Variants in CSMD1 observed in about 807,000 individuals in gnomAD.
The protein encoded by CSMD1 is CUB and sushi domain-containing protein 1.
Under a neutral mutation model 417.5 loss-of-function variants are expected in CSMD1, and 213 were observed. The ratio of observed to expected loss-of-function variants is 0.51; its 90% CI spans 0.46 to 0.57. CSMD1 has a LOEUF of 0.57. CSMD1 is among the 20% of genes least tolerant of loss of function. CSMD1 has a pLI of 0.00. For missense variants in CSMD1, 6,923 were observed against 4,529.7 expected, an observed-to-expected ratio of 1.53 and a Z score of -15.17; for synonymous variants, 2,862 against 1,736.8, an observed-to-expected ratio of 1.65 and a Z score of -16.11.
intron 5 of CSMD1, among the ~76,000 whole-genome samples, chr8:3,839,001 A>G (rs1380471330): frequency 1.6e-5 from 2 of 122,932 alleles, no homozygotes; most frequent in East Asian, 8.2e-4. Flanking sequence ...TATAATTATA[A>G]TATTATATAT....
intron 3 of CSMD1, among the ~76,000 whole-genome samples, chr8:4,343,168 A>C (rs1451636949): frequency 1.3e-5 from 2 of 152,142 alleles, no homozygotes; most frequent in Non-Finnish European, 2.9e-5. Context: ...GTATTTGGTA[A>C]AATACAAGGA....
At position 4,330,794 on chromosome 8, in the gene CSMD1, T is replaced by C. The variant is rs543813411; in HGVS notation, c.415+89159A>G. 6.6e-5 allele frequency among the ~76,000 whole-genome samples: 10 copies of C among 152,128 alleles called. No homozygotes were observed. The East Asian group carries it at 9.7e-4, about 15-fold the overall frequency. On this transcript the variant is annotated intron_variant, in intron 3 of 69. Transcript: ENST00000635120. ...TCCCTACTTATCATTTCTTTCCCTA[T>C]CTATCTTCTGAAGCACTGTTCATTC...
intron 10 of CSMD1, among the ~76,000 whole-genome samples, chr8:3,542,731 G>T (rs755382107): frequency 6.6e-6 from 1 of 152,200 alleles, no homozygotes; most frequent in Non-Finnish European, 1.5e-5. Flanking sequence ...GCTGTAGGTT[G>T]AGGTAAGAAG....
intron 3 of CSMD1, among the ~76,000 whole-genome samples, chr8:4,047,985 C>T (rs527686007): frequency 8.5e-4 from 129 of 152,250 alleles, no homozygotes; most frequent in Non-Finnish European, 1.7e-3. Flanking sequence ...TCTTTTCATC[C>T]TGAGAGCTTT....
chr8:3,744,228 G>C (rs960304769), intron 6 of CSMD1, among the ~76,000 whole-genome samples: 3 of 152,162 alleles, frequency 2.0e-5, no homozygotes, highest in Admixed American at 6.6e-5. Flanking sequence ...AGCCGCAGCA[G>C]GTGTGTGCAA....
chr8:4,231,516 G>A (rs1485631642), intron 3 of CSMD1, among the ~76,000 whole-genome samples: 1 of 35,010 alleles, frequency 2.9e-5, no homozygotes, highest in South Asian at 1.9e-3. Context: ...ACATAAGAAA[G>A]GTCTGTAATT....
intron 3 of CSMD1, among the ~76,000 whole-genome samples, chr8:4,063,104 G>A (rs1030967250): frequency 1.3e-5 from 2 of 152,076 alleles, no homozygotes; most frequent in African/African-American, 4.8e-5. Context: ...AGCACTGTAA[G>A]TTGACTATAG....
chr8:4,811,208 A>T (rs1798882400), intron 1 of CSMD1, among the ~76,000 whole-genome samples: 1 of 152,190 alleles, frequency 6.6e-6, no homozygotes, highest in Non-Finnish European at 1.5e-5. Context: ...GAAAATGGTG[A>T]ATCACGAGGT....
Position 4,199,025 on chromosome 8 carries a change from C to G in CSMD1, c.416-166926G>C, listed in dbSNP as rs182355819. Among the ~76,000 whole-genome samples, 189 of 152,184 alleles carry G rather than the reference C, an allele frequency of 1.2e-3. 2 individuals carry two copies. The highest frequency in any genetic ancestry group is 2.3e-3 in the Non-Finnish European group (155 of 68,012). On this transcript the variant is annotated intron_variant, in intron 3 of 69. Transcript: ENST00000635120. ...ATGAGCAAAGTTCACTTTCAATCCCCTATGTACAGTGAGCTCTCATCCTCT... is the reference window on the plus strand; with the variant it reads ...ATGAGCAAAGTTCACTTTCAATCCCGTATGTACAGTGAGCTCTCATCCTCT...
intron 2 of CSMD1, among the ~76,000 whole-genome samples, chr8:4,590,024 G>A (rs531208065): frequency 6.6e-6 from 1 of 152,154 alleles, no homozygotes; most frequent in Non-Finnish European, 1.5e-5. Context: ...CCAAATGCTT[G>A]TCTATGCTTT....
At position 3,677,203 on chromosome 8, in the gene CSMD1, G is replaced by A. The variant is rs577432334; in HGVS notation, c.1009+31211C>T. Among the ~76,000 whole-genome samples, 5 of 152,200 alleles carry A rather than the reference G, an allele frequency of 3.3e-5. No individual in the cohort carries two copies. In the East Asian group the frequency reaches 7.7e-4, roughly 24 times the overall value. On this transcript the variant is annotated intron_variant, in intron 7 of 69. Coordinates refer to ENST00000635120, the MANE Select transcript of CSMD1 (RefSeq NM_033225.6). ...AAGAAACACGTATATAAGACTTATA[G>A]AAATACACACAAGGAAAACACCGCT...
intron 11 of CSMD1, among the ~76,000 whole-genome samples, chr8:3,471,493 TTTCC>T (rs1025984793): frequency 8.4e-5 from 8 of 95,430 alleles, no homozygotes; most frequent in African/African-American, 2.6e-4. Flanking sequence ...TCCTTCCTTC[TTTCC>T]TTCCTTCCTT....
At chr8:3,256,225 G>A (rs1800640495) in intron 26 of CSMD1, among the ~76,000 whole-genome samples, 1 of 151,090 alleles carries the variant, frequency 6.6e-6, no homozygotes, top group African/African-American at 2.4e-5. Flanking sequence ...TACTCAGGGG[G>A]CTGAGGCAGG....
chr8:4,497,997 G>A (rs966171972), intron 2 of CSMD1, among the ~76,000 whole-genome samples: 2 of 152,140 alleles, frequency 1.3e-5, no homozygotes, highest in Non-Finnish European at 2.9e-5. Flanking sequence ...AAAATGACAA[G>A]TACAGTAAAC....
rs367614257 is a variant in CSMD1 at position 4,347,524 on chromosome 8, T to C, written c.415+72429A>G. The stretch of plus-strand genomic sequence containing the variant: ...CTAAATTATAATTTACCAATGACAT[T>C]ACAGGATAAGGCTGTCTCAACAGAA... On this transcript the variant is annotated intron_variant, in intron 3 of 69. Coordinates refer to ENST00000635120, the MANE Select transcript of CSMD1 (RefSeq NM_033225.6). Among the ~76,000 whole-genome samples, 28 of 152,266 alleles carry C rather than the reference T, an allele frequency of 1.8e-4. No homozygotes were observed. The South Asian group carries it at 4.8e-3, about 26-fold the overall frequency.
Position 3,029,362 on chromosome 8 carries a change from G to A in CSMD1, c.7812C>T (p.Ala2604=). The A allele has an allele frequency of 6.2e-7, 1 of 1,610,556 alleles. No homozygotes were observed. The highest frequency in any genetic ancestry group is 1.7e-5 in the Admixed American group (1 of 59,520). Residue 2604 remains alanine, a synonymous_variant, in exon 51 of 70, where the codon GCC becomes GCT. Transcript: ENST00000635120. Reference sequence around the variant, plus strand: ...CATCTCCTATGTTCCACGTCCCATTGGCCTGGCACCGCAGGAGCCTCCAGC... The same window carrying A: ...CATCTCCTATGTTCCACGTCCCATTAGCCTGGCACCGCAGGAGCCTCCAGC... The part of the protein sequence containing the change: ...LEGWRLLRCQ[A]NGTWNIGDER...
chr8:4,720,828 C>T (rs958474030), intron 1 of CSMD1, among the ~76,000 whole-genome samples: 1 of 152,110 alleles, frequency 6.6e-6, no homozygotes, highest in African/African-American at 2.4e-5. Flanking sequence ...CCATAAGGAA[C>T]ACAGAAGGAA....
At chr8:4,493,549 C>T (rs1239371754) in intron 2 of CSMD1, among the ~76,000 whole-genome samples, 2 of 151,956 alleles carry the variant, frequency 1.3e-5, no homozygotes, top group African/African-American at 2.4e-5. Flanking sequence ...ATTTTTAAAA[C>T]ATTAGCCAGG....
At chr8:4,082,520 A>G (rs1800192269) in intron 3 of CSMD1, among the ~76,000 whole-genome samples, 1 of 152,182 alleles carries the variant, frequency 6.6e-6, no homozygotes, top group Admixed American at 6.5e-5. Context: ...CCTAAAAAAT[A>G]AAACTAAAAG....
Sources: gnomAD v4.1 joint callset for allele counts (sites outside exome capture counted in the v4.1 genomes callset) on GRCh38, gnomAD v4.1.1 for gene constraint, MANE v1.5 for transcripts, NCBI Gene and HGNC (gene_info 2026-07-23, HGNC 2026-07-21) for gene names.